Variants in FRMD4A observed in about 807,000 individuals in gnomAD.
FRMD4A encodes FERM domain-containing protein 4A.
Under a neutral mutation model 129.1 loss-of-function variants are expected in FRMD4A, and 29 were observed. That is an observed-to-expected ratio of 0.22 (90% confidence interval 0.17 to 0.31). The LOEUF is 0.31. Ranked by LOEUF, FRMD4A falls within the 10% of genes least tolerant of loss-of-function variation. The pLI is 1.00. For missense variants in FRMD4A, 1,272 were observed against 1,375.8 expected (o/e 0.92, Z 1.19); for synonymous variants, 634 against 571.6 (o/e 1.11, Z -1.56).
intron 2 of FRMD4A, among the ~76,000 whole-genome samples, chr10:14,000,081 A>G (rs1163054020): frequency 6.6e-6 from 1 of 152,240 alleles, no homozygotes; most frequent in Admixed American, 6.5e-5. Flanking sequence ...TGAGTGGCCA[A>G]TAAGAGAAGA....
chr10:13,649,815 G>A (rs957951972), intron 24 of FRMD4A, among the ~76,000 whole-genome samples: 2 of 152,172 alleles, frequency 1.3e-5, no homozygotes, highest in African/African-American at 2.4e-5. Flanking sequence ...CCCTTAGGAA[G>A]CATTTATTCT....
intron 3 of FRMD4A, among the ~76,000 whole-genome samples, chr10:13,850,825 G>A (rs1245615194): frequency 6.6e-6 from 1 of 152,218 alleles, no homozygotes; most frequent in Admixed American, 6.5e-5. Context: ...GTGACCTTGA[G>A]CAAGTTATTT....
chr10:13,886,799 T>C (rs1291947008), intron 2 of FRMD4A, among the ~76,000 whole-genome samples: 1 of 152,194 alleles, frequency 6.6e-6, no homozygotes, highest in East Asian at 1.9e-4. Flanking sequence ...TGCGGTCTGC[T>C]ACACTCACTC....
chr10:13,776,499 A>T (rs1046256029), intron 6 of FRMD4A, among the ~76,000 whole-genome samples: 8 of 152,234 alleles, frequency 5.3e-5, no homozygotes, highest in African/African-American at 1.9e-4. Flanking sequence ...ATCTATATGG[A>T]GGCAAATACT....
intron 12 of FRMD4A, among the ~76,000 whole-genome samples, chr10:13,717,510 C>T (rs567825386): frequency 4.6e-5 from 7 of 151,886 alleles, no homozygotes; most frequent in East Asian, 3.9e-4. Context: ...GATGGGGTTT[C>T]GCCATGTTGA....
chr10:13,948,149 A>G (rs1201719992), intron 2 of FRMD4A, among the ~76,000 whole-genome samples: 1 of 152,182 alleles, frequency 6.6e-6, no homozygotes, highest in African/African-American at 2.4e-5. Flanking sequence ...TAATAAATAA[A>G]TGTTATTCAC....
At chr10:14,066,503 G>C (rs1041605190) in intron 2 of FRMD4A, among the ~76,000 whole-genome samples, 3 of 151,342 alleles carry the variant, frequency 2.0e-5, no homozygotes, top group African/African-American at 7.3e-5. Flanking sequence ...AGAGTGTGAA[G>C]TTGTATGTGT....
intron 2 of FRMD4A, among the ~76,000 whole-genome samples, chr10:14,033,249 G>A (rs1833334137): frequency 6.6e-6 from 1 of 151,218 alleles, no homozygotes; most frequent in Non-Finnish European, 1.5e-5. Flanking sequence ...GGAGGTTGCA[G>A]TTAGCCTAGA....
intron 2 of FRMD4A, among the ~76,000 whole-genome samples, chr10:13,932,797 C>T (rs1281156018): frequency 6.6e-6 from 1 of 152,028 alleles, no homozygotes; most frequent in East Asian, 1.9e-4. Flanking sequence ...CACAATAACC[C>T]AATGTGGGTT....
chr10:13,981,734 G>A lies in FRMD4A; in HGVS notation c.46-122822C>T, dbSNP rs570483979. On this transcript the variant is annotated intron_variant, in intron 2 of 24. Coordinates refer to ENST00000357447, the MANE Select transcript of FRMD4A (RefSeq NM_018027.5). ...AGCCTGGGCAACAGGGCAAGACTCC[G>A]TGTCAAAAAAAAAAAAAAAAAAAAA... Among the ~76,000 whole-genome samples, 135 of 116,236 alleles carry A rather than the reference G, an allele frequency of 1.2e-3. 1 individual carries two copies. Among genetic ancestry groups the A allele is most frequent in the African/African-American group, 4.5e-3 (120 of 26,800 alleles). 76.3% of individuals were successfully genotyped at this position (116,236 alleles called of 152,430 possible). A position where few individuals can be genotyped will look rare whatever the true frequency, so the allele number is the denominator to read the frequency against.
chr10:14,270,216 C>T (rs1845117148), intron 2 of FRMD4A, among the ~76,000 whole-genome samples: 1 of 152,316 alleles, frequency 6.6e-6, no homozygotes, highest in South Asian at 2.1e-4. Context: ...CTCCAGCCTG[C>T]AGACAGCCCA....
At chr10:14,061,012 A>G (rs1834783039) in intron 2 of FRMD4A, among the ~76,000 whole-genome samples, 1 of 133,292 alleles carries the variant, frequency 7.5e-6, no homozygotes, top group African/African-American at 2.5e-5. Flanking sequence ...AGCACTTACA[A>G]ACCAATAAGG....
At chr10:14,041,787 T>A (rs1010637998) in intron 2 of FRMD4A, among the ~76,000 whole-genome samples, 1 of 152,238 alleles carries the variant, frequency 6.6e-6, no homozygotes, top group African/African-American at 2.4e-5. Flanking sequence ...CTTATAAGTA[T>A]TTTTGAGTAA....
At chr10:14,177,380 C>T (rs1589131572) in intron 2 of FRMD4A, among the ~76,000 whole-genome samples, 1 of 152,018 alleles carries the variant, frequency 6.6e-6, no homozygotes, top group African/African-American at 2.4e-5. Context: ...GCTATGTTGG[C>T]GGGGCTGGTC....
intron 2 of FRMD4A, among the ~76,000 whole-genome samples, chr10:14,237,251 T>C (rs1415007681): frequency 6.6e-6 from 1 of 152,110 alleles, no homozygotes; most frequent in African/African-American, 2.4e-5. Context: ...AGGAGATGTG[T>C]GCTAGGTGCT....
In FRMD4A at chr10:13,701,390, C is replaced by T. The variant is rs781674522; in HGVS notation, c.925G>A (p.Ala309Thr). The change falls in exon 14 of 25, where the codon GCT (alanine) becomes ACT (threonine). Residue 309 changes from alanine to threonine, a missense_variant. By Grantham distance (58) the Ala-to-Thr change is moderately conservative. Transcript: ENST00000357447. ...AACTGGTGTTGGCTTATGGCCATAG[C>T]CCAGATGGACTTGATCAATGCCGGA... ...ACPALIKSIW[A>T]MAISQHQFYL... is the part of the protein sequence containing the mutation. 3.7e-6 allele frequency: 6 copies of T among 1,613,970 alleles called. No homozygotes were observed. In the East Asian group the frequency reaches 1.3e-4, roughly 36 times the overall value.
At chr10:14,097,963 T>TTATATAAATTATAG in intron 2 of FRMD4A, among the ~76,000 whole-genome samples, 1 of 139,444 alleles carries the variant, frequency 7.2e-6, no homozygotes, top group Non-Finnish European at 1.5e-5. Flanking sequence ...AAATTATATA[T>TTATATAAATTATAG]ATTATATACA....
At chr10:13,658,881 C>CAAAAAAA (rs60536121) in intron 21 of FRMD4A, among the ~76,000 whole-genome samples, 2 of 75,180 alleles carry the variant, frequency 2.7e-5, no homozygotes, top group African/African-American at 3.6e-5. Flanking sequence ...GACTCCATCT[C>CAAAAAAA]AAAAAAAAAA....
intron 3 of FRMD4A, among the ~76,000 whole-genome samples, chr10:13,846,965 A>G (rs2094056984): frequency 6.6e-6 from 1 of 152,162 alleles, no homozygotes; most frequent in South Asian, 2.1e-4. Flanking sequence ...AGGGTGGCAA[A>G]TGTCTACACT....
Sources: allele counts gnomAD v4.1 joint callset (sites outside exome capture counted in the v4.1 genomes callset), GRCh38; gene constraint gnomAD v4.1.1; transcripts MANE v1.5; gene names NCBI Gene and HGNC (gene_info 2026-07-23, HGNC 2026-07-21).